The following GLI3 variants were observed in gnomAD, a reference collection of about 807,000 sequenced individuals.
GLI3 encodes the protein transcription activator GLI3.
A neutral mutation model predicts 100.8 loss-of-function variants in GLI3; 20 were observed. The observed-to-expected ratio is 0.20, with a 90% CI of 0.14 to 0.29. GLI3 has a LOEUF of 0.29. Among genes scored for constraint, GLI3 ranks in the 10% least tolerant of loss-of-function variants. The pLI is 1.00. For synonymous variants in GLI3, 938 were observed against 860.5 expected (o/e 1.09, Z -1.58); for missense variants, 2,040 against 2,128.5 (o/e 0.96, Z 0.82).
chr7:41,966,897 G>A lies in GLI3; in HGVS notation c.2432-256C>T, dbSNP rs549865570. Among the ~76,000 whole-genome samples, 3 of 152,126 alleles carry A rather than the reference G, an allele frequency of 2.0e-5. No homozygotes were observed. The highest frequency in any genetic ancestry group is 4.1e-4 in the South Asian group (2 of 4,826). On this transcript the variant is annotated intron_variant, in intron 14 of 14. Coordinates refer to ENST00000395925, the MANE Select transcript of GLI3 (RefSeq NM_000168.6). The surrounding 1 kb of genome is among the most constrained non-coding windows in gnomAD (Gnocchi z 5.8). Reference sequence around the variant, plus strand: ...AAAACAGGGGCGGCTGGAGATGGCCGCAGGCTGTAGTTTGCTGATGCCTGG... The same window carrying A: ...AAAACAGGGGCGGCTGGAGATGGCCACAGGCTGTAGTTTGCTGATGCCTGG...
At chr7:42,227,928 GCCAATTTTGTTTGAAAGCT>G (rs1201347637) in intron 1 of GLI3, among the ~76,000 whole-genome samples, 1 of 152,166 alleles carries the variant, frequency 6.6e-6, no homozygotes, top group Non-Finnish European at 1.5e-5. Context: ...TACGGGTATG[GCCAATTTTGTTTGAAAGCT>G]CGCTCTTTCT....
intron 7 of GLI3, among the ~76,000 whole-genome samples, chr7:42,035,971 T>G (rs1789426488): frequency 6.6e-6 from 1 of 152,252 alleles, no homozygotes; most frequent in Non-Finnish European, 1.5e-5. Flanking sequence ...TTTTGAAAGC[T>G]ATTTAATTAT....
chr7:42,145,356 T>C, intron 3 of GLI3: 2 of 392,018 alleles, frequency 5.1e-6, no homozygotes. Flanking sequence ...TTGCATTTGT[T>C]ACATAAAACA....
intron 10 of GLI3, among the ~76,000 whole-genome samples, chr7:41,992,524 T>G (rs1341863815): frequency 1.3e-5 from 2 of 152,116 alleles, no homozygotes; most frequent in Non-Finnish European, 2.9e-5. Flanking sequence ...CATGTTATCT[T>G]TGGTAAACTA....
Position 41,964,064 on chromosome 7 carries a change from G to GTTTTTTT in GLI3, c.*259_*265dup. The GTTTTTTT allele has an allele frequency of 9.7e-6, 2 of 205,302 alleles. No individual in the cohort carries two copies. Among genetic ancestry groups the GTTTTTTT allele is most frequent in the Non-Finnish European group, 1.9e-5 (2 of 105,500 alleles). 12.7% of individuals were successfully genotyped at this position (205,302 alleles called of 1,614,324 possible). ...TACTAAAAAGGGGGCGGGGCTTACA[G>GTTTTTTT]TTTTTTTTTTTTTTTTTAAAAAGAG... On this transcript the variant is annotated 3_prime_UTR_variant, in exon 15 of 15. Coordinates refer to ENST00000395925, the MANE Select transcript of GLI3 (RefSeq NM_000168.6).
chr7:42,003,537 A>C (rs1562680010), intron 10 of GLI3, among the ~76,000 whole-genome samples: 1 of 152,226 alleles, frequency 6.6e-6, no homozygotes, highest in Non-Finnish European at 1.5e-5. Flanking sequence ...GATTTAATAA[A>C]GTGTACAGCA....
intron 3 of GLI3, among the ~76,000 whole-genome samples, chr7:42,117,256 C>T: frequency 6.6e-6 from 1 of 152,224 alleles, no homozygotes; most frequent in Non-Finnish European, 1.5e-5. Context: ...GGAAATGATA[C>T]CAGCAAAAAG....
rs181892705 is a variant in GLI3, at chr7:42,015,737, G to C, written c.1497+7731C>G. ...AATTAAGCTCTGCCAGTTTACACAC[G>C]CACACACACACACCCACCCCCCCAC... On this transcript the variant is annotated intron_variant, in intron 10 of 14. Coordinates refer to ENST00000395925, the MANE Select transcript of GLI3 (RefSeq NM_000168.6). Among the ~76,000 whole-genome samples the C allele has an allele frequency of 8.6e-5, 13 of 150,868 alleles. No homozygotes were observed. The East Asian group carries it at 2.5e-3, about 29-fold the overall frequency.
intron 1 of GLI3, among the ~76,000 whole-genome samples, chr7:42,253,810 A>G (rs546331277): frequency 2.0e-5 from 3 of 152,330 alleles, no homozygotes; most frequent in African/African-American, 7.2e-5. Flanking sequence ...CCTTGAGTTG[A>G]GCATCACTTA....
chr7:42,218,265 G>A (rs1483085267), intron 2 of GLI3, among the ~76,000 whole-genome samples: 1 of 151,924 alleles, frequency 6.6e-6, no homozygotes, highest in Non-Finnish European at 1.5e-5. Context: ...GCCCATTTCA[G>A]AGCAGAACTG....
intron 10 of GLI3, among the ~76,000 whole-genome samples, chr7:41,986,323 G>C (rs1562670935): frequency 1.3e-5 from 2 of 152,042 alleles, no homozygotes; most frequent in Admixed American, 6.6e-5. Flanking sequence ...TCTTTAACAA[G>C]GTAGATGTTT....
intron 2 of GLI3, among the ~76,000 whole-genome samples, chr7:42,158,326 C>CA (rs756054557): frequency 6.6e-6 from 1 of 152,092 alleles, no homozygotes; most frequent in East Asian, 1.9e-4. Flanking sequence ...TGAGGTTTAA[C>CA]AAAGATTAAG....
At chr7:42,211,933 A>T (rs2128697565) in intron 2 of GLI3, among the ~76,000 whole-genome samples, 1 of 152,328 alleles carries the variant, frequency 6.6e-6, no homozygotes, top group South Asian at 2.1e-4. Flanking sequence ...AACCTTAATA[A>T]TAATTTACAT....
At chr7:42,124,173 G>A (rs1452692628) in intron 3 of GLI3, among the ~76,000 whole-genome samples, 2 of 152,176 alleles carry the variant, frequency 1.3e-5, no homozygotes, top group African/African-American at 4.8e-5. Flanking sequence ...GTCAATCAAT[G>A]TAAACACACC....
chr7:42,251,705 A>G (rs1374390120), intron 1 of GLI3, among the ~76,000 whole-genome samples: 6 of 152,162 alleles, frequency 3.9e-5, no homozygotes, highest in African/African-American at 7.2e-5. Context: ...CGTGGTTACT[A>G]TGATGATCCC....
intron 10 of GLI3, 137 bp from the exon 11 acceptor site, chr7:41,978,885 T>G: frequency 1.2e-6 from 1 of 803,510 alleles, no homozygotes; most frequent in Non-Finnish European, 2.0e-6. Flanking sequence ...TATTACAGAT[T>G]ATAAAAATTC....
At chr7:41,978,548 A>G in intron 11 of GLI3, 51 bp downstream of exon 11, 1 of 1,581,342 alleles carries the variant, frequency 6.3e-7, no homozygotes. Flanking sequence ...CACAGCTCTT[A>G]TGAGTATGGG....
At chr7:42,242,781 T>A (rs772681236), upstream of GLI3, among the ~76,000 whole-genome samples, 10 of 152,214 alleles carry the variant, frequency 6.6e-5, no homozygotes, top group Non-Finnish European at 1.2e-4. Context: ...TCCCCACACC[T>A]AGAAGCTTGT....
intron 10 of GLI3, among the ~76,000 whole-genome samples, chr7:42,022,921 TA>T (rs2128730477): frequency 6.6e-6 from 1 of 152,230 alleles, no homozygotes; most frequent in South Asian, 2.1e-4. Flanking sequence ...TAAATACATT[TA>T]AAAACACTTA....
Sources: gnomAD v4.1 joint callset for allele counts (sites outside exome capture counted in the v4.1 genomes callset) on GRCh38, gnomAD v4.1.1 for gene constraint, Gnocchi (gnomAD v3.1) non-coding constraint, MANE v1.5 for transcripts, NCBI Gene and HGNC (gene_info 2026-07-23, HGNC 2026-07-21) for gene names.